The following PAK1IP1 variants were observed in gnomAD, a reference collection of about 807,000 sequenced individuals.
PAK1IP1 encodes the protein PAK1 interacting protein 1.
Under a neutral mutation model 42.0 loss-of-function variants are expected in PAK1IP1, and 24 were observed. The ratio of observed to expected loss-of-function variants is 0.57; its 90% CI spans 0.41 to 0.80. The LOEUF is 0.80. PAK1IP1 is among the 30% of genes least tolerant of loss of function. The probability of loss-of-function intolerance (pLI) is 0.00; values close to 1 mark genes in which losing one functional copy is unlikely to be tolerated. For synonymous variants in PAK1IP1, 154 were observed against 156.7 expected (o/e 0.98, Z 0.13); for missense variants, 411 against 467.9 (o/e 0.88, Z 1.12).
chr6:10,697,818 G>A (rs189836957), intron 2 of PAK1IP1, among the ~76,000 whole-genome samples: 12 of 151,716 alleles, frequency 7.9e-5, no homozygotes, highest in African/African-American at 2.9e-4. Flanking sequence ...TTGAACCCGT[G>A]AGGCAGAGAT....
chr6:10,694,976 G>T lies in PAK1IP1; in HGVS notation c.-10G>T, dbSNP rs764725295. On this transcript the variant is annotated 5_prime_UTR_variant, in exon 1 of 10. Coordinates refer to ENST00000379568, the MANE Select transcript of PAK1IP1 (RefSeq NM_017906.3). Reference sequence around the variant, plus strand: ...AGCCGGGCTGGCGGAAGAGGCACGTGCGCTGCTGAATGGAGCTGGTCGCTG... The same window carrying T: ...AGCCGGGCTGGCGGAAGAGGCACGTTCGCTGCTGAATGGAGCTGGTCGCTG... 30 of 1,590,104 alleles carry T rather than the reference G, an allele frequency of 1.9e-5. No individual in the cohort carries two copies. The highest frequency in any genetic ancestry group is 2.3e-5 in the Non-Finnish European group (27 of 1,173,266).
At chr6:10,695,141 A>G in intron 1 of PAK1IP1, 72 bp downstream of exon 1, 2 of 914,646 alleles carry the variant, frequency 2.2e-6, no homozygotes. Context: ...TACACAGCAG[A>G]GGTGAACATT....
At chr6:10,694,907 T>TTTG (rs1554149448), upstream of PAK1IP1, 4 of 739,618 alleles carry the variant, frequency 5.4e-6, no homozygotes, top group African/African-American at 5.6e-5. Flanking sequence ...TCAGGTGTTT[T>TTTG]TTTTTTTTTT....
intron 5 of PAK1IP1, among the ~76,000 whole-genome samples, chr6:10,704,054 G>A (rs1010164019): frequency 2.6e-5 from 4 of 151,120 alleles, no homozygotes; most frequent in Admixed American, 2.0e-4. Flanking sequence ...ATGGAGTCTC[G>A]CTCTATCACC....
At chr6:10,707,338 CTT>C in intron 7 of PAK1IP1, 75 bp from the exon 8 acceptor site, 1 of 854,220 alleles carries the variant, frequency 1.2e-6, no homozygotes, top group South Asian at 1.4e-5. Context: ...AAGCACTAGT[CTT>C]TGTGTGTAAT....
chr6:10,700,857 A>G (rs555778484), intron 2 of PAK1IP1, among the ~76,000 whole-genome samples: 157 of 151,878 alleles, frequency 1.0e-3, no homozygotes, highest in African/African-American at 3.7e-3. Context: ...AGGGGTACAC[A>G]TGCAGGATGT....
At chr6:10,694,589 AC>A, upstream of PAK1IP1, 2 of 178,142 alleles carry the variant, frequency 1.1e-5, no homozygotes, top group South Asian at 9.8e-5. Context: ...TGCCGGCGCT[AC>A]AGCCCCTAAG....
chr6:10,702,738 C>T, intron 4 of PAK1IP1, 99 bp downstream of exon 4: 1 of 848,048 alleles, frequency 1.2e-6, no homozygotes, highest in Admixed American at 1.9e-5. Flanking sequence ...AGGTCAAAAG[C>T]TGGTGAACCT....
At chr6:10,695,511 A>C (rs1462836700) in intron 1 of PAK1IP1, among the ~76,000 whole-genome samples, 1 of 152,256 alleles carries the variant, frequency 6.6e-6, no homozygotes, top group African/African-American at 2.4e-5. Flanking sequence ...TTGGGAACTT[A>C]TGGCGAGCTG....
chr6:10,708,941 T>A lies in PAK1IP1; in HGVS notation c.841-12T>A. The stretch of plus-strand genomic sequence containing the variant: ...AAAATGCACATTATGAATGTTTGTT[T>A]CTTCTGTTTAGAAAGTTCCCCCATC... On this transcript the variant is annotated splice_polypyrimidine_tract_variant and intron_variant, in intron 8 of 9. Transcript: ENST00000379568. The A allele has an allele frequency of 6.3e-7, 1 of 1,586,944 alleles. No homozygotes were observed. The highest frequency in any genetic ancestry group is 8.6e-7 in the Non-Finnish European group (1 of 1,167,138).
At chr6:10,706,493 A>T (rs990524340) in intron 7 of PAK1IP1, among the ~76,000 whole-genome samples, 1 of 152,134 alleles carries the variant, frequency 6.6e-6, no homozygotes, top group Non-Finnish European at 1.5e-5. Context: ...TGCTTCATCT[A>T]TATGCCCAGC....
rs148607981 is a variant in PAK1IP1, at chr6:10,698,100, G to A, written c.247+614G>A. 7.2e-5 allele frequency among the ~76,000 whole-genome samples: 11 copies of A among 152,330 alleles called. No individual in the cohort carries two copies. The East Asian group carries it at 2.1e-3, about 29-fold the overall frequency. ...GGACATTCCAGGCAGAGCCGGCAGT[G>A]TGAGGAGCACAAGTAGTAGCATCAT... On this transcript the variant is annotated intron_variant, in intron 2 of 9. Coordinates refer to ENST00000379568, the MANE Select transcript of PAK1IP1 (RefSeq NM_017906.3).
intron 1 of PAK1IP1, among the ~76,000 whole-genome samples, chr6:10,696,990 A>T (rs1170829929): frequency 6.6e-6 from 1 of 152,250 alleles, no homozygotes; most frequent in Non-Finnish European, 1.5e-5. Flanking sequence ...AATACACTAA[A>T]GAGTTAAAGA....
At chr6:10,695,654 AATAG>A (rs2127477889) in intron 1 of PAK1IP1, among the ~76,000 whole-genome samples, 1 of 152,304 alleles carries the variant, frequency 6.6e-6, no homozygotes, top group Admixed American at 6.5e-5. Context: ...TAGATGTGTG[AATAG>A]ATAAAAAGGT....
chr6:10,708,673 C>T (rs1202716967), intron 8 of PAK1IP1, among the ~76,000 whole-genome samples: 1 of 151,700 alleles, frequency 6.6e-6, no homozygotes, highest in Admixed American at 6.6e-5. Context: ...TGATGCTATT[C>T]CTCCCCCTGC....
chr6:10,708,002 GC>G (rs2127482069), intron 8 of PAK1IP1, among the ~76,000 whole-genome samples: 1 of 147,812 alleles, frequency 6.8e-6, no homozygotes, highest in South Asian at 2.1e-4. Flanking sequence ...TCTTTGTTCA[GC>G]CCTGGAAATA....
intron 2 of PAK1IP1, among the ~76,000 whole-genome samples, chr6:10,698,920 G>A (rs1260303632): frequency 6.6e-6 from 1 of 152,210 alleles, no homozygotes; most frequent in Non-Finnish European, 1.5e-5. Context: ...GTTGTCAAAG[G>A]CCAGGCGCGG....
chr6:10,708,686 C>G (rs538462941), intron 8 of PAK1IP1, among the ~76,000 whole-genome samples: 23 of 152,100 alleles, frequency 1.5e-4, no homozygotes, highest in Non-Finnish European at 2.6e-4. Flanking sequence ...CCCCCTGCCC[C>G]CCACCCCACA....
At chr6:10,694,906 T>G (rs1045584006), upstream of PAK1IP1, 46 of 533,502 alleles carry the variant, frequency 8.6e-5, no homozygotes, top group Non-Finnish European at 9.7e-5. Context: ...GTCAGGTGTT[T>G]TTTTTTTTTT....
Sources: allele counts gnomAD v4.1 joint callset (sites outside exome capture counted in the v4.1 genomes callset), GRCh38; gene constraint gnomAD v4.1.1; transcripts MANE v1.5; gene names NCBI Gene and HGNC (gene_info 2026-07-23, HGNC 2026-07-21).